Variants in TYW1B observed in about 807,000 individuals in gnomAD.
The protein encoded by TYW1B is S-adenosyl-L-methionine-dependent tRNA 4-demethylwyosine synthase TYW1B.
TYW1B carries 73 observed loss-of-function variants against 86.9 expected under a neutral mutation model. The observed-to-expected ratio is 0.84, with a 90% CI of 0.70 to 1.02. TYW1B has a LOEUF of 1.02. Ranked by LOEUF, TYW1B falls within the 50% of genes least tolerant of loss-of-function variation. TYW1B has a pLI of 0.00. For missense variants in TYW1B, 637 were observed against 827.4 expected, an observed-to-expected ratio of 0.77 and a Z score of 2.82; for synonymous variants, 248 against 292.8, an observed-to-expected ratio of 0.85 and a Z score of 1.56.
intron 8 of TYW1B, among the ~76,000 whole-genome samples, chr7:72,735,255 T>C (rs1787177851): frequency 6.6e-6 from 1 of 152,142 alleles, no homozygotes; most frequent in African/African-American, 2.4e-5. Flanking sequence ...ATATTCACAA[T>C]GGAATATTAT....
Position 72,738,561 on chromosome 7 carries a change from C to T in TYW1B, c.1082+5923G>A, listed in dbSNP as rs117538455. The stretch of plus-strand genomic sequence containing the variant: ...GGGAATGCTTAGCAACATCCCCAGC[C>T]TCTACCCACCAGATACCAGCAGCAC... On this transcript the variant is annotated intron_variant, in intron 8 of 13. Coordinates refer to ENST00000620995, the MANE Select transcript of TYW1B (RefSeq NM_001145440.3). Among the ~76,000 whole-genome samples, 1,420 of 152,280 alleles carry T rather than the reference C, an allele frequency of 9.3e-3. 16 individuals carry two copies. The highest frequency in any genetic ancestry group is 0.016 in the Non-Finnish European group (1,085 of 68,012).
chr7:72,681,132 C>A (rs1387277619), intron 11 of TYW1B, among the ~76,000 whole-genome samples: 1 of 152,130 alleles, frequency 6.6e-6, no homozygotes, highest in Non-Finnish European at 1.5e-5. Flanking sequence ...AGCCAGTATC[C>A]AAACCTTGGT....
chr7:72,713,981 A>G lies in TYW1B; in HGVS notation c.1193-183T>C, dbSNP rs1786728393. Reference sequence around the variant, plus strand: ...ATCAGAAAAATCAGTCAGTAACCTCATTCTTAGTTTTGGTACCAGTTAAAC... The same window carrying G: ...ATCAGAAAAATCAGTCAGTAACCTCGTTCTTAGTTTTGGTACCAGTTAAAC... On this transcript the variant is annotated intron_variant, in intron 9 of 13. Coordinates refer to ENST00000620995, the MANE Select transcript of TYW1B (RefSeq NM_001145440.3). Among the ~76,000 whole-genome samples the G allele has an allele frequency of 2.0e-5, 3 of 151,128 alleles. No individual in the cohort carries two copies. In the South Asian group the frequency reaches 6.4e-4, roughly 32 times the overall value.
At chr7:72,711,247 A>G (rs1270724097) in intron 10 of TYW1B, among the ~76,000 whole-genome samples, 1 of 152,140 alleles carries the variant, frequency 6.6e-6, no homozygotes, top group Non-Finnish European at 1.5e-5. Flanking sequence ...GCAGAAAGAT[A>G]TATGGGAACA....
At chr7:72,748,391 T>C (rs2844107) in intron 7 of TYW1B, among the ~76,000 whole-genome samples, 6,022 of 144,666 alleles carry the variant, frequency 0.042, 299 homozygotes, top group African/African-American at 0.12. Flanking sequence ...ATAACAATCA[T>C]GTCACCTGCA....
At chr7:72,692,373 G>A (rs1445519928) in intron 11 of TYW1B, among the ~76,000 whole-genome samples, 1 of 151,982 alleles carries the variant, frequency 6.6e-6, no homozygotes. Flanking sequence ...AAATTAACTA[G>A]GCATGGCAGC....
At chr7:72,819,854 T>C (rs1788794957) in intron 2 of TYW1B, among the ~76,000 whole-genome samples, 1 of 152,064 alleles carries the variant, frequency 6.6e-6, no homozygotes, top group Non-Finnish European at 1.5e-5. Context: ...AGAAAAAATG[T>C]TAAAGGCAAC....
intron 11 of TYW1B, among the ~76,000 whole-genome samples, chr7:72,688,775 G>C (rs1814069517): frequency 6.6e-6 from 1 of 152,128 alleles, no homozygotes; most frequent in South Asian, 2.1e-4. Flanking sequence ...TTATCCACTA[G>C]ACATTACCTG....
intron 11 of TYW1B, 26 bp from the exon 12 acceptor site, chr7:72,629,023 G>GT (rs1563037060): frequency 6.4e-7 from 1 of 1,572,760 alleles, no homozygotes; most frequent in African/African-American, 1.4e-5. Flanking sequence ...AGCCAACTTC[G>GT]TTGTTATCTT....
intron 11 of TYW1B, among the ~76,000 whole-genome samples, chr7:72,632,285 G>GTATATATATATATATATATTATATA (rs1239640717): frequency 3.6e-5 from 3 of 83,568 alleles, no homozygotes; most frequent in African/African-American, 2.2e-4. Flanking sequence ...ATATATACGT[G>GTATATATATATATATATATTATATA]TATATATATA....
At chr7:72,781,605 A>G (rs1554471656) in intron 6 of TYW1B, among the ~76,000 whole-genome samples, 1 of 152,148 alleles carries the variant, frequency 6.6e-6, no homozygotes, top group South Asian at 2.1e-4. Flanking sequence ...CTGCCCAGTA[A>G]AACAGTTCTA....
intron 7 of TYW1B, among the ~76,000 whole-genome samples, chr7:72,746,833 G>A (rs1366779699): frequency 4.5e-4 from 68 of 152,268 alleles, no homozygotes; most frequent in Non-Finnish European, 9.6e-4. Context: ...GGACTAAAAG[G>A]ATTTTTCAAA....
At chr7:72,694,414 AC>A (rs1158324857) in intron 11 of TYW1B, among the ~76,000 whole-genome samples, 1 of 152,116 alleles carries the variant, frequency 6.6e-6, no homozygotes. Context: ...GAGTATATAT[AC>A]CCCTCTCCTT....
At chr7:72,735,448 T>G (rs1373349755) in intron 8 of TYW1B, among the ~76,000 whole-genome samples, 1 of 151,958 alleles carries the variant, frequency 6.6e-6, no homozygotes, top group East Asian at 1.9e-4. Flanking sequence ...GGCACGAGCC[T>G]GTAATCCCAC....
At chr7:72,737,690 C>T (rs1256910484) in intron 8 of TYW1B, among the ~76,000 whole-genome samples, 3 of 152,126 alleles carry the variant, frequency 2.0e-5, no homozygotes, top group Non-Finnish European at 4.4e-5. Flanking sequence ...ATATGGCTAA[C>T]ATACTTTTGT....
Position 72,795,585 on chromosome 7 carries a change from AATG to A in TYW1B, c.846+6812_846+6814del, listed in dbSNP as rs578117188. 3.4e-4 allele frequency among the ~76,000 whole-genome samples: 51 copies of A among 151,924 alleles called. 1 individual carries two copies. The South Asian group carries it at 8.9e-3, about 27-fold the overall frequency. On this transcript the variant is annotated intron_variant, in intron 6 of 13. Transcript: ENST00000620995. ...GGAACATGGGTCACATTTTAGTAGA[AATG>A]ATGATGCTAAATTTGGTTGGTTGGT...
chr7:72,607,393 C>CAAAAAAAAAAAAAA (rs57281644), intron 13 of TYW1B, among the ~76,000 whole-genome samples: 13 of 76,182 alleles, frequency 1.7e-4, no homozygotes, highest in South Asian at 1.1e-3. Flanking sequence ...TTCTGTCTCT[C>CAAAAAAAAAAAAAA]AAAAAAAAAA....
In TYW1B at chr7:72,711,930, A is replaced by G. The variant is rs531646874; in HGVS notation, c.1370+1691T>C. Among the ~76,000 whole-genome samples, 5 of 152,094 alleles carry G rather than the reference A, an allele frequency of 3.3e-5. No homozygotes were observed. In the South Asian group the frequency reaches 1.0e-3, roughly 32 times the overall value. The stretch of plus-strand genomic sequence containing the variant: ...CTTTAGGGCACCAGGCAAAAAATGC[A>G]CTGAGATAAATAAGCAGAGGTCTTG... On this transcript the variant is annotated intron_variant, in intron 10 of 13. Coordinates refer to ENST00000620995, the MANE Select transcript of TYW1B (RefSeq NM_001145440.3).
Position 72,632,355 on chromosome 7 carries a change from T to A in TYW1B, c.1507-3358A>T, listed in dbSNP as rs1359310868. 5.9e-5 allele frequency among the ~76,000 whole-genome samples: 7 copies of A among 117,898 alleles called. No individual in the cohort carries two copies. The South Asian group carries it at 1.7e-3, about 29-fold the overall frequency. The allele number at this position is 117,898 out of a possible 152,430, so 77.3% of individuals were successfully genotyped here. On this transcript the variant is annotated intron_variant, in intron 11 of 13. Coordinates refer to ENST00000620995, the MANE Select transcript of TYW1B (RefSeq NM_001145440.3). ...TATACACGTATATATATTATATATA[T>A]TATATATATACGCATATATATTATA...
Sources: gnomAD v4.1 joint callset for allele counts (sites outside exome capture counted in the v4.1 genomes callset) on GRCh38, gnomAD v4.1.1 for gene constraint, MANE v1.5 for transcripts, NCBI Gene and HGNC (gene_info 2026-07-23, HGNC 2026-07-21) for gene names.